Variants in PDE10A observed in about 807,000 individuals in gnomAD.
PDE10A encodes phosphodiesterase 10A.
PDE10A carries 39 observed loss-of-function variants against 97.7 expected under a neutral mutation model. The observed-to-expected ratio is 0.40, with a 90% confidence interval of 0.31 to 0.52. The LOEUF is 0.52. Ranked by LOEUF, PDE10A falls within the 20% of genes least tolerant of loss-of-function variation. PDE10A has a pLI of 0.56. For synonymous variants in PDE10A, 371 were observed against 376.8 expected (o/e 0.98, Z 0.18); for missense variants, 731 against 1,047.8 (o/e 0.70, Z 4.17).
intron 1 of PDE10A, among the ~76,000 whole-genome samples, chr6:165,792,308 C>T (rs138438802): frequency 2.0e-5 from 3 of 152,294 alleles, no homozygotes; most frequent in Admixed American, 6.5e-5. Context: ...TGGAGCAGGA[C>T]GCAGGCTGCA....
intron 1 of PDE10A, among the ~76,000 whole-genome samples, chr6:165,776,239 TA>T (rs1251843269): frequency 1.3e-5 from 2 of 152,234 alleles, no homozygotes; most frequent in Non-Finnish European, 2.9e-5. Flanking sequence ...TATGCATATG[TA>T]TAACACACAT....
Position 165,655,184 on chromosome 6 carries a change from T to C in PDE10A, c.865+6763A>G, listed in dbSNP as rs988353622. Among the ~76,000 whole-genome samples, 3 of 127,346 alleles carry C rather than the reference T, an allele frequency of 2.4e-5. No individual in the cohort carries two copies. The highest frequency in any genetic ancestry group is 2.9e-4 in the South Asian group (1 of 3,486). 83.5% of individuals were successfully genotyped at this position (127,346 alleles called of 152,430 possible). ...ATTTCCCTCAGAGTCAAAATGTCAC[T>C]GAGGCATCTATATACTGTCCTTGGG... is the stretch of plus-strand genomic sequence containing the variant. On this transcript the variant is annotated intron_variant, in intron 1 of 21. Coordinates refer to ENST00000539869, the MANE Select transcript of PDE10A (RefSeq NM_001385079.1). This position sits in a 1 kb window ranked among gnomAD's most constrained non-coding sequence, Gnocchi z 4.5.
chr6:165,750,738 C>T (rs1357556332), intron 1 of PDE10A, among the ~76,000 whole-genome samples: 3 of 152,184 alleles, frequency 2.0e-5, no homozygotes, highest in African/African-American at 7.2e-5. Flanking sequence ...TGGCCAGTTC[C>T]ATTTCAGACT....
chr6:165,456,027 AT>A (rs1777934985), intron 3 of PDE10A, among the ~76,000 whole-genome samples: 1 of 152,158 alleles, frequency 6.6e-6, no homozygotes, highest in African/African-American at 2.4e-5. Flanking sequence ...AACTTAGGTT[AT>A]TTTCTTTATC....
chr6:165,521,276 A>C (rs1003680508), intron 2 of PDE10A, among the ~76,000 whole-genome samples: 31 of 152,158 alleles, frequency 2.0e-4, no homozygotes, highest in African/African-American at 7.2e-4. Context: ...GAGCCTCCTT[A>C]TTCCCTGAGA....
intron 3 of PDE10A, among the ~76,000 whole-genome samples, chr6:165,473,707 A>T (rs1779141626): frequency 6.6e-6 from 1 of 152,238 alleles, no homozygotes; most frequent in Non-Finnish European, 1.5e-5. Flanking sequence ...ACTGTGGCCA[A>T]ACAGCCAAGA....
At position 165,406,228 on chromosome 6, in the gene PDE10A, A is replaced by ATGTGTGTGTTTG. The variant is rs1554256589; in HGVS notation, c.2076+7272_2076+7273insCAAACACACACA. 6.9e-3 allele frequency among the ~76,000 whole-genome samples: 974 copies of ATGTGTGTGTTTG among 140,504 alleles called. 6 individuals are homozygous for ATGTGTGTGTTTG. The highest frequency in any genetic ancestry group is 0.011 in the Non-Finnish European group (738 of 64,998). The allele number at this position is 140,504 out of a possible 152,430, so 92.2% of individuals were successfully genotyped here. A position where few individuals can be genotyped will look rare whatever the true frequency, so the allele number is the denominator to read the frequency against. On this transcript the variant is annotated intron_variant, in intron 13 of 21. Coordinates refer to ENST00000539869, the MANE Select transcript of PDE10A (RefSeq NM_001385079.1). ...TTCAAATTCAAGATGAGGGAAAAGG[A>ATGTGTGTGTTTG]TGTGTGTGTGTGTGTGTGTGTGTGT... is the stretch of plus-strand genomic sequence containing the variant.
chr6:165,617,463 C>T (rs973360696), intron 1 of PDE10A, among the ~76,000 whole-genome samples: 1 of 152,162 alleles, frequency 6.6e-6, no homozygotes, highest in Non-Finnish European at 1.5e-5. Flanking sequence ...CCCGCTTCAG[C>T]CTCTCAAGTA....
intron 1 of PDE10A, among the ~76,000 whole-genome samples, chr6:165,729,804 A>G (rs1792384140): frequency 6.6e-6 from 1 of 152,256 alleles, no homozygotes; most frequent in East Asian, 1.9e-4. Flanking sequence ...AATCCAACCC[A>G]GATTATTTTA....
At chr6:165,920,039 A>C (rs569082274) in intron 1 of PDE10A, among the ~76,000 whole-genome samples, 15 of 152,288 alleles carry the variant, frequency 9.8e-5, no homozygotes, top group Non-Finnish European at 1.5e-5. Context: ...TCAGCAAACT[A>C]CTGTTTCTTT....
upstream of PDE10A, among the ~76,000 whole-genome samples, chr6:165,664,060 G>A (rs923418405): frequency 7.2e-5 from 11 of 152,202 alleles, no homozygotes; most frequent in Non-Finnish European, 1.5e-4. Context: ...TGGCTGTGCT[G>A]TTCCACGGTG....
At chr6:165,968,291 G>A (rs892532433) in intron 1 of PDE10A, among the ~76,000 whole-genome samples, 2 of 152,184 alleles carry the variant, frequency 1.3e-5, no homozygotes, top group African/African-American at 4.8e-5. Context: ...ACCATCGCAG[G>A]TCATTGTATT....
At chr6:165,816,046 T>C (rs1779400788) in intron 1 of PDE10A, among the ~76,000 whole-genome samples, 1 of 152,126 alleles carries the variant, frequency 6.6e-6, no homozygotes, top group Non-Finnish European at 1.5e-5. Flanking sequence ...GCCTCCCGGA[T>C]TCAAGCCATT....
At chr6:165,428,599 T>C in intron 10 of PDE10A, 59 bp downstream of exon 10, 2 of 725,356 alleles carry the variant, frequency 2.8e-6, no homozygotes, top group African/African-American at 1.8e-5. Context: ...TTATGCCATA[T>C]ATTAGCACCA....
At chr6:165,968,175 A>T (rs1284395521) in intron 1 of PDE10A, among the ~76,000 whole-genome samples, 1 of 152,240 alleles carries the variant, frequency 6.6e-6, no homozygotes, top group Non-Finnish European at 1.5e-5. Flanking sequence ...TTAGGAGAGT[A>T]TTGGAGAAAC....
chr6:165,831,553 C>G (rs1411974963), intron 1 of PDE10A, among the ~76,000 whole-genome samples: 1 of 148,822 alleles, frequency 6.7e-6, no homozygotes, highest in Non-Finnish European at 1.5e-5. Flanking sequence ...TCTCGGCTCA[C>G]TGCAAGCTCT....
intron 1 of PDE10A, among the ~76,000 whole-genome samples, chr6:165,750,962 T>C (rs749261478): frequency 1.2e-4 from 18 of 152,088 alleles, no homozygotes; most frequent in South Asian, 4.1e-4. Context: ...CCTTCAGGTG[T>C]AACAGCAGGA....
intron 1 of PDE10A, among the ~76,000 whole-genome samples, chr6:165,548,375 A>G (rs780508691): frequency 6.4e-4 from 94 of 147,302 alleles, no homozygotes; most frequent in Middle Eastern, 3.7e-3. Context: ...CATTTTTTAA[A>G]TTATATTTAG....
chr6:165,578,558 A>C (rs1042988931), intron 1 of PDE10A, among the ~76,000 whole-genome samples: 1 of 152,104 alleles, frequency 6.6e-6, no homozygotes, highest in African/African-American at 2.4e-5. Context: ...GGCCCCAAAC[A>C]ACCTTCATCT....
Sources: gnomAD v4.1 joint callset for allele counts (sites outside exome capture counted in the v4.1 genomes callset) on GRCh38, gnomAD v4.1.1 for gene constraint, Gnocchi (gnomAD v3.1) non-coding constraint, MANE v1.5 for transcripts, NCBI Gene and HGNC (gene_info 2026-07-23, HGNC 2026-07-21) for gene names.